SAMD4B: variants seen among roughly 807,000 people sequenced by gnomAD.
SAMD4B encodes the protein sterile alpha motif domain containing 4B.
SAMD4B carries 5 observed loss-of-function variants against 74.5 expected under a neutral mutation model. That is an observed-to-expected ratio of 0.07 (90% CI 0.04 to 0.14). The LOEUF (loss-of-function observed/expected upper bound fraction) is 0.14, where lower values mean the gene tolerates loss of function less well. Ranked by LOEUF, SAMD4B falls within the 10% of genes least tolerant of loss-of-function variation. The probability of loss-of-function intolerance (pLI) is 1.00; values close to 1 mark genes in which losing one functional copy is unlikely to be tolerated. For synonymous variants in SAMD4B, 373 were observed against 374.9 expected (o/e 1.00, Z 0.06); for missense variants, 608 against 921.8 (o/e 0.66, Z 4.41).
At chr19:39,389,124 A>G (rs145046188), downstream of SAMD4B, 5 of 1,613,986 alleles carry the variant, frequency 3.1e-6, no homozygotes, top group Admixed American at 1.7e-5. This position sits in a 1 kb window ranked among gnomAD's most constrained non-coding sequence, Gnocchi z 5.3. Flanking sequence ...AGTCTTCTCA[A>G]TGGCTGTGAT....
chr19:39,344,022 G>A (rs1369869338), intron 1 of SAMD4B, among the ~76,000 whole-genome samples: 1 of 98,094 alleles, frequency 1.0e-5, no homozygotes, highest in African/African-American at 3.4e-5. Context: ...AGAGACCCCA[G>A]CGACCCCCTG....
Position 39,377,662 on chromosome 19 carries a change from G to T in SAMD4B, c.1282G>T (p.Ala428Ser), listed in dbSNP as rs1425257412. Residue 428 changes from alanine to serine, a missense_variant, in exon 8 of 14, where the codon GCC becomes TCC. Around this residue, in one of 9 missense-constraint regions of SAMD4B, gnomAD observed 99 missense variants for 112.1 expected, o/e 0.88. Transcript: ENST00000610417. ...PPLPGAEPPL[A>S]HPGTDKGTEA... ...GCTGCCAGGTGCTGAGCCTCCCCTA[G>T]CCCACCCCGGCACAGACAAAGGCAC... 6.2e-7 allele frequency: 1 copy of T among 1,614,052 alleles called. No individual in the cohort carries two copies. The highest frequency in any genetic ancestry group is 2.2e-5 in the East Asian group (1 of 44,890).
chr19:39,351,680 A>G (rs182772272), intron 1 of SAMD4B: 2 of 152,190 alleles, frequency 1.3e-5, no homozygotes, highest in African/African-American at 4.8e-5. Context: ...CCCCTCCCCC[A>G]TCTCTTGACT....
downstream of SAMD4B, chr19:39,386,486 G>A (rs775466021): frequency 6.8e-6 from 11 of 1,614,000 alleles, no homozygotes; most frequent in East Asian, 2.2e-5. This position sits in a 1 kb window ranked among gnomAD's most constrained non-coding sequence, Gnocchi z 6.1. Flanking sequence ...ATTTACCTGA[G>A]CCCCCAGCTT....
At chr19:39,386,853 C>T, downstream of SAMD4B, 1 of 1,208,244 alleles carries the variant, frequency 8.3e-7, no homozygotes, top group Admixed American at 1.7e-5. This position sits in a 1 kb window ranked among gnomAD's most constrained non-coding sequence, Gnocchi z 6.1. Context: ...AAAGACACAC[C>T]TCCCACTTCC....
chr19:39,364,743 G>T (rs1046986341), intron 3 of SAMD4B, among the ~76,000 whole-genome samples: 1 of 152,192 alleles, frequency 6.6e-6, no homozygotes, highest in Non-Finnish European at 1.5e-5. Context: ...TGTGACTTCA[G>T]TGAGGCCTTT....
At chr19:39,380,926 C>T (rs1438139489) in intron 11 of SAMD4B, 64 bp from the exon 12 acceptor site, 3 of 1,548,804 alleles carry the variant, frequency 1.9e-6, no homozygotes, top group South Asian at 1.2e-5. Context: ...GTACCACCTC[C>T]ACCACTCTTG....
rs963301482 is a variant in SAMD4B at position 39,376,637 on chromosome 19, A to G, written c.1018-68A>G. ...AGCCTCCTCTGTCTCCTTGATCTCT[A>G]TTTGGGTACCCCCAAATATCTCAGC... On this transcript the variant is annotated intron_variant, in intron 6 of 13. Coordinates refer to ENST00000610417, the MANE Select transcript of SAMD4B (RefSeq NM_001384574.2). 8.2e-6 allele frequency: 13 copies of G among 1,589,346 alleles called. No individual in the cohort carries two copies. In the Admixed American group the frequency reaches 2.2e-4, roughly 27 times the overall value.
At chr19:39,380,359 T>C (rs2077887392) in intron 10 of SAMD4B, among the ~76,000 whole-genome samples, 1 of 152,122 alleles carries the variant, frequency 6.6e-6, no homozygotes, top group Non-Finnish European at 1.5e-5. Context: ...CAGAAATGTC[T>C]CCTTTGAGAA....
downstream of SAMD4B, chr19:39,390,371 A>AAGGT: frequency 1.6e-6 from 2 of 1,286,500 alleles, no homozygotes; most frequent in Non-Finnish European, 2.1e-6. Context: ...AACCTTTCAA[A>AAGGT]AGGTAGGAGG....
chr19:39,371,381 G>A (rs187220608), intron 4 of SAMD4B, among the ~76,000 whole-genome samples: 88 of 152,308 alleles, frequency 5.8e-4, no homozygotes, highest in Non-Finnish European at 1.0e-3. Context: ...TTGCTGGTGA[G>A]AACCTGGGAA....
downstream of SAMD4B, chr19:39,386,168 C>T (rs761999263): frequency 5.0e-6 from 8 of 1,614,182 alleles, no homozygotes; most frequent in South Asian, 8.8e-5. The surrounding 1 kb of genome is among the most constrained non-coding windows in gnomAD (Gnocchi z 6.1). Flanking sequence ...CACCTTGGGC[C>T]TGTCCTCTGT....
rs749676087 is a variant in SAMD4B at position 39,375,686 on chromosome 19, G to A, written c.704G>A (p.Arg235His). ...CAAATCCACCCTAGCCCACTGAAGC[G>A]CTCCATGTCACTCATCCCTACAAGC... Reference protein sequence around the residue: ...PCQIHPSPLKRSMSLIPTSPQ... With the variant: ...PCQIHPSPLKHSMSLIPTSPQ... Residue 235 changes from arginine (R) to histidine (H), a missense_variant, in exon 5 of 14, where the codon CGC (arginine) becomes CAC (histidine). Arg to His is a conservative substitution (Grantham distance 29, BLOSUM62 0). Around this residue, in one of 9 missense-constraint regions of SAMD4B, gnomAD observed 153 missense variants for 153.0 expected, o/e 1.00. Coordinates refer to ENST00000610417, the MANE Select transcript of SAMD4B (RefSeq NM_001384574.2). This position sits in a 1 kb window ranked among gnomAD's most constrained non-coding sequence, Gnocchi z 4.1. The A allele has an allele frequency of 2.2e-5, 35 of 1,612,600 alleles. No homozygotes were observed. The Middle Eastern group carries it at 6.6e-4, about 30-fold the overall frequency.
At chr19:39,376,012 G>A in intron 5 of SAMD4B, 123 bp downstream of exon 5, 2 of 1,281,652 alleles carry the variant, frequency 1.6e-6, no homozygotes, top group Non-Finnish European at 2.1e-6. Context: ...TCTGAGGGGA[G>A]TAGATAGTCC....
downstream of SAMD4B, chr19:39,386,805 G>A (rs1315053931): frequency 6.2e-7 from 1 of 1,604,372 alleles, no homozygotes. The surrounding 1 kb of genome is among the most constrained non-coding windows in gnomAD (Gnocchi z 6.1). Context: ...GGACCCTGCA[G>A]GGGGTGAATT....
chr19:39,389,903 G>A (rs926161381), downstream of SAMD4B: 9 of 1,214,148 alleles, frequency 7.4e-6, no homozygotes, highest in Admixed American at 8.7e-5. This position sits in a 1 kb window ranked among gnomAD's most constrained non-coding sequence, Gnocchi z 5.3. Flanking sequence ...GCTCCCCAGT[G>A]GGAAGGGACT....
In SAMD4B at chr19:39,380,972, T is replaced by C. The variant is rs780976118; in HGVS notation, c.1849-18T>C. On this transcript the variant is annotated intron_variant, in intron 11 of 13. Coordinates refer to ENST00000610417, the MANE Select transcript of SAMD4B (RefSeq NM_001384574.2). ...TCTTCTGCACTCACTACTTTCTCTCTTCCTGGGACCTGTGTAGAACCTGTG... is the reference window on the plus strand; with the variant it reads ...TCTTCTGCACTCACTACTTTCTCTCCTCCTGGGACCTGTGTAGAACCTGTG... 49 of 1,590,262 alleles carry C rather than the reference T, an allele frequency of 3.1e-5. No homozygotes were observed. Among genetic ancestry groups the C allele is most frequent in the Non-Finnish European group, 4.2e-5 (49 of 1,167,590 alleles).
chr19:39,383,920 G>C lies in SAMD4B; in HGVS notation c.*393G>C, dbSNP rs2078156718. ...AACTGACCACTACCTTGTGGAGCCT[G>C]CTCAGAAACATTTGACATTTGGGGT... is the stretch of plus-strand genomic sequence containing the variant. On this transcript the variant is annotated 3_prime_UTR_variant, in exon 14 of 14. Transcript: ENST00000610417. This position sits in a 1 kb window ranked among gnomAD's most constrained non-coding sequence, Gnocchi z 4.1. 3.5e-6 allele frequency: 2 copies of C among 577,362 alleles called. No homozygotes were observed. Among genetic ancestry groups the C allele is most frequent in the Non-Finnish European group, 3.1e-6 (1 of 325,054 alleles). The allele number at this position is 577,362 out of a possible 1,614,324, so 35.8% of individuals were successfully genotyped here.
intron 1 of SAMD4B, among the ~76,000 whole-genome samples, chr19:39,347,435 C>T (rs1232036932): frequency 2.0e-5 from 3 of 152,166 alleles, no homozygotes; most frequent in Non-Finnish European, 4.4e-5. Flanking sequence ...TGATTCCATC[C>T]GATGAACTTT....
Sources: allele counts gnomAD v4.1 joint callset (sites outside exome capture counted in the v4.1 genomes callset), GRCh38; gene constraint gnomAD v4.1.1; regional missense constraint gnomAD v4.1.1; non-coding constraint Gnocchi (gnomAD v3.1); transcripts MANE v1.5; gene names NCBI Gene and HGNC (gene_info 2026-07-23, HGNC 2026-07-21).